ARHGEF10: variants seen among roughly 807,000 people sequenced by gnomAD.
The protein encoded by ARHGEF10 is Rho guanine nucleotide exchange factor 10.
A neutral mutation model predicts 147.4 loss-of-function variants in ARHGEF10; 140 were observed. The ratio of observed to expected loss-of-function variants is 0.95; its 90% confidence interval spans 0.83 to 1.09. The LOEUF is 1.09. ARHGEF10 is among the 50% of genes least tolerant of loss of function. The pLI is 0.00. For synonymous variants in ARHGEF10, 902 were observed against 695.8 expected (o/e 1.30, Z -4.67); for missense variants, 2,222 against 1,752.7 (o/e 1.27, Z -4.78).
chr8:1,935,695 C>T (rs758917600), intron 26 of ARHGEF10, among the ~76,000 whole-genome samples: 11 of 152,236 alleles, frequency 7.2e-5, no homozygotes, highest in Non-Finnish European at 1.5e-4. Context: ...AGCTTGTGCA[C>T]GCACATCTAA....
At chr8:1,955,061 C>CA (rs1815389447) in intron 28 of ARHGEF10, among the ~76,000 whole-genome samples, 1 of 112,912 alleles carries the variant, frequency 8.9e-6, no homozygotes, top group African/African-American at 3.5e-5. Context: ...TAGCTAGGTG[C>CA]TCCCTGAAAG....
At position 1,864,338 on chromosome 8, in the gene ARHGEF10, C is replaced by T. The variant is rs750493113; in HGVS notation, c.482-35C>T. 6.0e-5 allele frequency: 97 copies of T among 1,607,414 alleles called. 1 individual carries two copies. In the Admixed American group the frequency reaches 1.4e-3, roughly 23 times the overall value. ...CAACTTCATGAGCATTTTTGTCAGGCGTAAAGCAGCATCACATATTTTCTT... is the reference window on the plus strand; with the variant it reads ...CAACTTCATGAGCATTTTTGTCAGGTGTAAAGCAGCATCACATATTTTCTT... On this transcript the variant is annotated intron_variant, in intron 4 of 28. Transcript: ENST00000349830.
chr8:1,894,692 C>G, intron 13 of ARHGEF10, 120 bp downstream of exon 13: 2 of 1,159,838 alleles, frequency 1.7e-6, no homozygotes, highest in Non-Finnish European at 1.3e-6. Context: ...GCAGTTCTCT[C>G]TAAAGGCCAG....
chr8:1,915,351 T>A (rs972182454), intron 18 of ARHGEF10, among the ~76,000 whole-genome samples: 1 of 152,220 alleles, frequency 6.6e-6, no homozygotes, highest in Non-Finnish European at 1.5e-5. Flanking sequence ...AATGTGTCCA[T>A]GAGTTATTCT....
At chr8:1,944,304 C>A (rs1271035587) in intron 26 of ARHGEF10, among the ~76,000 whole-genome samples, 1 of 152,236 alleles carries the variant, frequency 6.6e-6, no homozygotes, top group Non-Finnish European at 1.5e-5. Context: ...GGACACAGTC[C>A]TCTCCTCAGC....
chr8:1,901,567 A>G (rs1422614385), intron 15 of ARHGEF10, among the ~76,000 whole-genome samples: 1 of 152,216 alleles, frequency 6.6e-6, no homozygotes, highest in Admixed American at 6.5e-5. Flanking sequence ...ACAATTTCTG[A>G]TAATAACAGC....
chr8:1,897,248 A>T (rs892217284), intron 14 of ARHGEF10, among the ~76,000 whole-genome samples: 1 of 152,156 alleles, frequency 6.6e-6, no homozygotes, highest in Admixed American at 6.5e-5. Flanking sequence ...TTGAAGCTGG[A>T]ATTTTTTCCC....
intron 22 of ARHGEF10, 79 bp downstream of exon 22, chr8:1,925,483 A>C: frequency 6.3e-7 from 1 of 1,587,762 alleles, no homozygotes; most frequent in Non-Finnish European, 8.6e-7. Context: ...GATGATTCTT[A>C]AGGGGCGTGG....
intron 17 of ARHGEF10, among the ~76,000 whole-genome samples, chr8:1,908,498 C>G (rs1811093262): frequency 6.6e-6 from 1 of 152,126 alleles, no homozygotes; most frequent in Non-Finnish European, 1.5e-5. Context: ...TCCCAAAGTG[C>G]TGGGATTACA....
At position 1,939,501 on chromosome 8, in the gene ARHGEF10, GA is replaced by G. The variant is rs1338213790; in HGVS notation, c.3222+5562del. Among the ~76,000 whole-genome samples the G allele has an allele frequency of 4.6e-5, 7 of 152,212 alleles. No individual in the cohort carries two copies. The South Asian group carries it at 6.2e-4, about 13-fold the overall frequency. ...AGGCCTCAGGCTGGCACAGTGAGCC[GA>G]AATCCAGGGGCATTGCATCCCACGG... On this transcript the variant is annotated intron_variant, in intron 26 of 28. Coordinates refer to ENST00000349830, the MANE Select transcript of ARHGEF10 (RefSeq NM_014629.4).
chr8:1,885,993 G>T (rs539570775), intron 11 of ARHGEF10, among the ~76,000 whole-genome samples: 1 of 152,272 alleles, frequency 6.6e-6, no homozygotes, highest in South Asian at 2.1e-4. Context: ...AGAAAGGGGA[G>T]GAACTTGCAT....
intron 1 of ARHGEF10, among the ~76,000 whole-genome samples, chr8:1,836,456 C>T (rs953615107): frequency 1.3e-5 from 2 of 152,124 alleles, no homozygotes; most frequent in African/African-American, 2.4e-5. Context: ...AGGTGAGTCA[C>T]CTGTGGGGAG....
chr8:1,862,338 C>T (rs1806199701), intron 4 of ARHGEF10, among the ~76,000 whole-genome samples: 1 of 152,238 alleles, frequency 6.6e-6, no homozygotes, highest in Admixed American at 6.5e-5. Flanking sequence ...TCCCAGCTGG[C>T]CAAACTGGGA....
At chr8:1,894,655 C>A in intron 13 of ARHGEF10, 83 bp downstream of exon 13, 3 of 1,473,970 alleles carry the variant, frequency 2.0e-6, no homozygotes, top group Non-Finnish European at 2.8e-6. Context: ...ATGTTTTGCC[C>A]CTGATCTCCT....
At position 1,905,616 on chromosome 8, in the gene ARHGEF10, A is replaced by T. The variant is rs144835192; in HGVS notation, c.1867A>T (p.Ile623Leu). Residue 623 changes from isoleucine (I) to leucine (L), a missense_variant, in exon 17 of 29, where the codon ATA (isoleucine) becomes TTA (leucine). By Grantham distance (5) the Ile-to-Leu change is conservative. Transcript: ENST00000349830. ...SRYLIRSDDM[I>L]ETVYNDRGEI... Reference sequence around the variant, plus strand: ...ATACCTCATTCGATCAGATGATATGATAGAAACAGTTTACAACGACAGAGG... The same window carrying T: ...ATACCTCATTCGATCAGATGATATGTTAGAAACAGTTTACAACGACAGAGG... 10 of 1,614,222 alleles carry T rather than the reference A, an allele frequency of 6.2e-6. No individual in the cohort carries two copies. The highest frequency in any genetic ancestry group is 8.5e-6 in the Non-Finnish European group (10 of 1,180,036).
intron 15 of ARHGEF10, among the ~76,000 whole-genome samples, 174 bp downstream of exon 15, chr8:1,898,699 AC>A: frequency 6.6e-6 from 1 of 151,944 alleles, no homozygotes; most frequent in East Asian, 1.9e-4. Context: ...GCGGAGAGTC[AC>A]CCTACGCCGG....
intron 18 of ARHGEF10, among the ~76,000 whole-genome samples, chr8:1,912,355 C>T (rs1022246612): frequency 7.2e-5 from 11 of 152,046 alleles, no homozygotes; most frequent in African/African-American, 2.2e-4. Context: ...GTAGGAAGCT[C>T]GCCGTCCCTG....
chr8:1,894,647 G>A, intron 13 of ARHGEF10, 75 bp downstream of exon 13: 1 of 1,544,454 alleles, frequency 6.5e-7, no homozygotes, highest in South Asian at 1.1e-5. Context: ...TTAGGCTGAT[G>A]TTTTGCCCCT....
At chr8:1,946,173 C>A (rs1456031158) in intron 27 of ARHGEF10, among the ~76,000 whole-genome samples, 2 of 152,182 alleles carry the variant, frequency 1.3e-5, no homozygotes, top group Admixed American at 1.3e-4. Flanking sequence ...CATCCTACAA[C>A]AGGATGGAGG....
Sources: allele counts gnomAD v4.1 joint callset (sites outside exome capture counted in the v4.1 genomes callset), GRCh38; gene constraint gnomAD v4.1.1; transcripts MANE v1.5; gene names NCBI Gene and HGNC (gene_info 2026-07-23, HGNC 2026-07-21).